INSR: variants seen among roughly 807,000 people sequenced by gnomAD.
The protein encoded by INSR is insulin receptor.
A neutral mutation model predicts 142.6 loss-of-function variants in INSR; 67 were observed. That is an observed-to-expected ratio of 0.47 (90% CI 0.39 to 0.58). INSR has a LOEUF of 0.58. Among genes scored for constraint, INSR ranks in the 20% least tolerant of loss-of-function variants. The pLI is 0.00. For missense variants in INSR, 1,248 were observed against 1,833.2 expected, an observed-to-expected ratio of 0.68 and a Z score of 5.83; for synonymous variants, 756 against 743.1, an observed-to-expected ratio of 1.02 and a Z score of -0.28.
chr19:7,285,040 T>G (rs1968310245), intron 1 of INSR, among the ~76,000 whole-genome samples: 1 of 152,002 alleles, frequency 6.6e-6, no homozygotes, highest in South Asian at 2.1e-4. Flanking sequence ...TGGGGCCAGG[T>G]GCAGTGGCTC....
At chr19:7,134,635 T>G (rs1416381069) in intron 13 of INSR, among the ~76,000 whole-genome samples, 2 of 151,426 alleles carry the variant, frequency 1.3e-5, no homozygotes, top group East Asian at 1.9e-4. Flanking sequence ...TGTGGTGGTG[T>G]GCGCCTGTAA....
intron 2 of INSR, among the ~76,000 whole-genome samples, chr19:7,255,511 T>TC (rs2145185223): frequency 6.6e-6 from 1 of 151,596 alleles, no homozygotes; most frequent in South Asian, 2.1e-4. Flanking sequence ...TTTTCTTTTT[T>TC]TTTTTTTTTC....
At chr19:7,265,662 G>C (rs895228658) in intron 2 of INSR, among the ~76,000 whole-genome samples, 3 of 151,350 alleles carry the variant, frequency 2.0e-5, no homozygotes, top group Non-Finnish European at 4.4e-5. Context: ...TTGAACCCGG[G>C]AGGCAGAGGT....
In INSR at chr19:7,117,238, C is replaced by T. The variant is rs2144790092; in HGVS notation, c.3967G>A (p.Asp1323Asn). Residue 1323 changes from aspartate to asparagine, a missense_variant, in exon 22 of 22, where the codon GAC becomes AAC. Physicochemically the swap from Asp to Asn is conservative, Grantham distance 23. Around this residue, in one of 3 missense-constraint regions of INSR, gnomAD observed 122 missense variants for 129.8 expected, o/e 0.94. Coordinates refer to ENST00000302850, the MANE Select transcript of INSR (RefSeq NM_000208.4). ...CGGTCCAGGGGCACATTCTCCATGTCCTCAAACTCCATCTCCAGCTCCTCA... is the reference window on the plus strand; with the variant it reads ...CGGTCCAGGGGCACATTCTCCATGTTCTCAAACTCCATCTCCAGCTCCTCA... ...ESEELEMEFEDMENVPLDRSS... is the reference protein window; with the variant it reads ...ESEELEMEFENMENVPLDRSS... The T allele has an allele frequency of 7.4e-6, 12 of 1,614,198 alleles. No individual in the cohort carries two copies. The East Asian group carries it at 2.5e-4, about 33-fold the overall frequency.
At chr19:7,264,567 T>C (rs1967665560) in intron 2 of INSR, among the ~76,000 whole-genome samples, 1 of 152,266 alleles carries the variant, frequency 6.6e-6, no homozygotes, top group Non-Finnish European at 1.5e-5. Flanking sequence ...CTGTTTCCCC[T>C]GGTGTCCCAG....
At chr19:7,153,031 CACACACACACCACACA>C (rs1278813123) in intron 9 of INSR, 104 bp from the exon 10 acceptor site, 3 of 466,998 alleles carry the variant, frequency 6.4e-6, no homozygotes, top group African/African-American at 5.9e-5. Context: ...ACACACCACA[CACACACACACCACACA>C]CCCCCCCACA....
Position 7,192,135 on chromosome 19 carries a change from AAGAT to A in INSR, c.653-7502_653-7499del, listed in dbSNP as rs1408214392. 1.3e-5 allele frequency among the ~76,000 whole-genome samples: 2 copies of A among 149,422 alleles called. No individual in the cohort carries two copies. The highest frequency in any genetic ancestry group is 6.7e-5 in the Admixed American group (1 of 14,882). On this transcript the variant is annotated intron_variant, in intron 2 of 21. Transcript: ENST00000302850. This position sits in a 1 kb window ranked among gnomAD's most constrained non-coding sequence, Gnocchi z 4.2. ...AGAAAAGAAAGAGGGAGAAAGAAGAAAGATAAGAGAGAGAGAAAGAGAAAGAAAA... is the reference window on the plus strand; with the variant it reads ...AGAAAAGAAAGAGGGAGAAAGAAGAAAAGAGAGAGAGAAAGAGAAAGAAAA...
Position 7,175,476 on chromosome 19 carries a change from G to A in INSR, c.975-745C>T, listed in dbSNP as rs1382463324. Among the ~76,000 whole-genome samples, 5 of 152,216 alleles carry A rather than the reference G, an allele frequency of 3.3e-5. No homozygotes were observed. In the East Asian group the frequency reaches 9.7e-4, roughly 29 times the overall value. On this transcript the variant is annotated intron_variant, in intron 3 of 21. Transcript: ENST00000302850. The stretch of plus-strand genomic sequence containing the variant: ...CGTCCTATGCATTGGAGGATATTGA[G>A]CGGCATCCCTAGGCTCCACTCACGA...
chr19:7,253,274 T>C (rs1049546422), intron 2 of INSR, among the ~76,000 whole-genome samples: 1 of 152,048 alleles, frequency 6.6e-6, no homozygotes, highest in Non-Finnish European at 1.5e-5. Flanking sequence ...GTTTTGCTTT[T>C]GTCACCCAGG....
chr19:7,199,073 A>G (rs922224258), intron 2 of INSR, among the ~76,000 whole-genome samples: 2 of 151,938 alleles, frequency 1.3e-5, no homozygotes, highest in Non-Finnish European at 2.9e-5. Flanking sequence ...TTTTGTAGAC[A>G]TGGGGACTCG....
chr19:7,153,011 CACCA>C, intron 9 of INSR, 84 bp from the exon 10 acceptor site: 1 of 582,074 alleles, frequency 1.7e-6, no homozygotes, highest in Non-Finnish European at 2.7e-6. Flanking sequence ...CACACACACA[CACCA>C]CACACACACA....
chr19:7,119,353 C>A lies in INSR; in HGVS notation c.3794+96G>T. On this transcript the variant is annotated intron_variant, in intron 21 of 21. Coordinates refer to ENST00000302850, the MANE Select transcript of INSR (RefSeq NM_000208.4). This position sits in a 1 kb window ranked among gnomAD's most constrained non-coding sequence, Gnocchi z 5.2. ...ACATACAGCATGCAAACACGGTGAGCGTGTAGACATAGGAAAGGCAAAACC... is the reference window on the plus strand; with the variant it reads ...ACATACAGCATGCAAACACGGTGAGAGTGTAGACATAGGAAAGGCAAAACC... The A allele has an allele frequency of 1.5e-6, 2 of 1,363,658 alleles. No individual in the cohort carries two copies. The allele number at this position is 1,363,658 out of a possible 1,614,324, so 84.5% of individuals were successfully genotyped here.
rs1385231625 is a variant in INSR at position 7,251,299 on chromosome 19, G to A, written c.652+16046C>T. 7.9e-5 allele frequency among the ~76,000 whole-genome samples: 12 copies of A among 152,050 alleles called. 1 individual carries two copies. The highest frequency in any genetic ancestry group is 4.1e-4 in the South Asian group (2 of 4,822). ...TTGAGCCAGGGTCTTGCTCTGTCAC[G>A]CAGGCTGGAGTGCAATATGCAATCT... On this transcript the variant is annotated intron_variant, in intron 2 of 21. Coordinates refer to ENST00000302850, the MANE Select transcript of INSR (RefSeq NM_000208.4).
intron 2 of INSR, among the ~76,000 whole-genome samples, chr19:7,253,300 G>A (rs10426979): frequency 0.27 from 40,644 of 151,444 alleles, 5,831 homozygotes; most frequent in East Asian, 0.5. Context: ...GTGCAGTGAC[G>A]TGATCTCGAC....
At chr19:7,223,440 C>T (rs979594782) in intron 2 of INSR, among the ~76,000 whole-genome samples, 7 of 152,102 alleles carry the variant, frequency 4.6e-5, no homozygotes, top group African/African-American at 1.7e-4. Flanking sequence ...TGGGGTGAAA[C>T]GCAGGGTTAC....
chr19:7,184,014 G>A (rs536534933), intron 3 of INSR, among the ~76,000 whole-genome samples: 32 of 144,470 alleles, frequency 2.2e-4, no homozygotes, highest in African/African-American at 4.5e-4. Context: ...AGCCAGGTTC[G>A]TGCCACTGCA....
intron 8 of INSR, among the ~76,000 whole-genome samples, chr19:7,164,880 C>G (rs1973855750): frequency 6.7e-6 from 1 of 149,020 alleles, no homozygotes; most frequent in African/African-American, 2.5e-5. Flanking sequence ...GCCTGTAATC[C>G]CAGCACTTTG....
intron 2 of INSR, among the ~76,000 whole-genome samples, chr19:7,201,083 A>G (rs916371814): frequency 6.6e-6 from 1 of 152,088 alleles, no homozygotes; most frequent in Non-Finnish European, 1.5e-5. Context: ...GTAACTTTTT[A>G]CAAGTTGTTG....
At chr19:7,184,787 CG>C (rs1385132849) in intron 2 of INSR, 150 bp from the exon 3 acceptor site, 1 of 506,502 alleles carries the variant, frequency 2.0e-6, no homozygotes, top group East Asian at 3.8e-5. Context: ...ACAGTAAAAG[CG>C]GCACGTCTAC....
Sources: allele counts gnomAD v4.1 joint callset (sites outside exome capture counted in the v4.1 genomes callset), GRCh38; gene constraint gnomAD v4.1.1; regional missense constraint gnomAD v4.1.1; non-coding constraint Gnocchi (gnomAD v3.1); transcripts MANE v1.5; gene names NCBI Gene and HGNC (gene_info 2026-07-23, HGNC 2026-07-21).